CABCOCO1: variants seen among roughly 807,000 people sequenced by gnomAD.
CABCOCO1 encodes the protein ciliary-associated calcium-binding coiled-coil protein 1.
Under a neutral mutation model 35.7 loss-of-function variants are expected in CABCOCO1, and 28 were observed. The ratio of observed to expected loss-of-function variants is 0.78; its 90% CI spans 0.58 to 1.07. The LOEUF is 1.07. Ranked by LOEUF, CABCOCO1 falls within the 50% of genes least tolerant of loss-of-function variation. The probability of loss-of-function intolerance (pLI) is 0.00; values close to 1 mark genes in which losing one functional copy is unlikely to be tolerated. For missense variants in CABCOCO1, 326 were observed against 309.2 expected, an observed-to-expected ratio of 1.05 and a Z score of -0.41; for synonymous variants, 95 against 100.1, an observed-to-expected ratio of 0.95 and a Z score of 0.30.
At chr10:61,692,915 C>A (rs1463111138) in intron 5 of CABCOCO1, among the ~76,000 whole-genome samples, 1 of 152,030 alleles carries the variant, frequency 6.6e-6, no homozygotes, top group African/African-American at 2.4e-5. Flanking sequence ...TCTATTCAAG[C>A]AAAACTTTGG....
At chr10:61,680,602 G>GTTATA (rs1839717833) in intron 2 of CABCOCO1, among the ~76,000 whole-genome samples, 1 of 7,482 alleles carries the variant, frequency 1.3e-4, no homozygotes. Context: ...TGTTATACAT[G>GTTATA]TATAACATGT....
intron 5 of CABCOCO1, among the ~76,000 whole-genome samples, chr10:61,727,550 A>T (rs1469236517): frequency 6.6e-6 from 1 of 152,204 alleles, no homozygotes; most frequent in Non-Finnish European, 1.5e-5. Context: ...GTCTGTTTTC[A>T]TCCATAACTC....
intron 5 of CABCOCO1, among the ~76,000 whole-genome samples, chr10:61,751,570 G>C (rs1219065522): frequency 6.6e-6 from 1 of 152,030 alleles, no homozygotes; most frequent in South Asian, 2.1e-4. Context: ...AAAATAAATG[G>C]ACAAGCTTCA....
intron 5 of CABCOCO1, among the ~76,000 whole-genome samples, chr10:61,718,309 G>A (rs1384555221): frequency 1.3e-5 from 2 of 152,102 alleles, no homozygotes; most frequent in Non-Finnish European, 2.9e-5. Context: ...AATTTCCAAA[G>A]TCAGGGTCAG....
At chr10:61,717,841 C>A (rs577618276) in intron 5 of CABCOCO1, among the ~76,000 whole-genome samples, 5 of 152,016 alleles carry the variant, frequency 3.3e-5, no homozygotes, top group Non-Finnish European at 7.4e-5. Context: ...AAAGAATATT[C>A]CAGATTTGAG....
intron 5 of CABCOCO1, among the ~76,000 whole-genome samples, chr10:61,709,221 A>G (rs1342110319): frequency 6.6e-6 from 1 of 152,146 alleles, no homozygotes; most frequent in African/African-American, 2.4e-5. Context: ...AACAGTTTGG[A>G]CAGGTTCCTC....
chr10:61,753,062 T>A (rs1484901716), intron 5 of CABCOCO1, among the ~76,000 whole-genome samples: 4 of 152,200 alleles, frequency 2.6e-5, no homozygotes, highest in Non-Finnish European at 5.9e-5. Flanking sequence ...TATTATCTCA[T>A]ATGATTTCTG....
chr10:61,676,887 C>T (rs1839527216), intron 2 of CABCOCO1, among the ~76,000 whole-genome samples: 1 of 151,548 alleles, frequency 6.6e-6, no homozygotes, highest in African/African-American at 2.4e-5. Flanking sequence ...CGGTGAAACC[C>T]CATCTCTACT....
chr10:61,710,291 T>C (rs1426474418), intron 5 of CABCOCO1, among the ~76,000 whole-genome samples: 4 of 122,874 alleles, frequency 3.3e-5, no homozygotes, highest in Non-Finnish European at 7.3e-5. Context: ...TGTGTGTGTG[T>C]GTGTAGAGAT....
chr10:61,745,288 A>G (rs971082953), intron 5 of CABCOCO1, among the ~76,000 whole-genome samples: 3 of 152,146 alleles, frequency 2.0e-5, no homozygotes, highest in Admixed American at 2.0e-4. Flanking sequence ...AGCCAAGTTT[A>G]TTTTGACATG....
chr10:61,717,912 TA>T (rs1360681502), intron 5 of CABCOCO1, among the ~76,000 whole-genome samples: 1 of 152,194 alleles, frequency 6.6e-6, no homozygotes, highest in Non-Finnish European at 1.5e-5. Context: ...TGTAATATTT[TA>T]ACCCAATAGC....
At chr10:61,728,390 C>A (rs1475255118) in intron 5 of CABCOCO1, among the ~76,000 whole-genome samples, 1 of 152,112 alleles carries the variant, frequency 6.6e-6, no homozygotes, top group Non-Finnish European at 1.5e-5. Context: ...TTACAGTTGG[C>A]CTGTCAGTCT....
intron 5 of CABCOCO1, among the ~76,000 whole-genome samples, chr10:61,718,470 A>G (rs1037705934): frequency 5.3e-5 from 8 of 152,186 alleles, no homozygotes; most frequent in African/African-American, 1.9e-4. Context: ...AGTTTGTTTT[A>G]AAAAGGTATG....
chr10:61,734,141 T>A (rs889011405), intron 5 of CABCOCO1, among the ~76,000 whole-genome samples: 30 of 152,034 alleles, frequency 2.0e-4, no homozygotes, highest in African/African-American at 7.2e-4. Context: ...GGTTCATTTG[T>A]TTTTTCTCTC....
At chr10:61,735,828 A>T (rs1331052887) in intron 5 of CABCOCO1, among the ~76,000 whole-genome samples, 1 of 152,124 alleles carries the variant, frequency 6.6e-6, no homozygotes, top group East Asian at 1.9e-4. Context: ...GCAGTTCTGA[A>T]GTAATGTGGT....
At chr10:61,718,163 A>G (rs1336240479) in intron 5 of CABCOCO1, among the ~76,000 whole-genome samples, 1 of 152,160 alleles carries the variant, frequency 6.6e-6, no homozygotes, top group Non-Finnish European at 1.5e-5. Context: ...CGTAGTTGGA[A>G]TGAAATCTTC....
At position 61,732,446 on chromosome 10, in the gene CABCOCO1, A is replaced by G. The variant is rs1003505256; in HGVS notation, c.553-27613A>G. Among the ~76,000 whole-genome samples the G allele has an allele frequency of 4.6e-5, 7 of 150,724 alleles. No homozygotes were observed. The East Asian group carries it at 7.7e-4, about 17-fold the overall frequency. On this transcript the variant is annotated intron_variant, in intron 5 of 7. Transcript: ENST00000648843. ...TATTTTGTTTCAATTGTAAATTCCC[A>G]GAACATTAAATCTATCAATAGTTGA...
At chr10:61,748,136 A>G (rs992255290) in intron 5 of CABCOCO1, among the ~76,000 whole-genome samples, 2 of 150,800 alleles carry the variant, frequency 1.3e-5, no homozygotes, top group African/African-American at 4.9e-5. Flanking sequence ...TGTATTGGGG[A>G]GGTGAAGAGC....
chr10:61,697,498 A>G (rs1796614853), intron 5 of CABCOCO1, among the ~76,000 whole-genome samples: 1 of 152,116 alleles, frequency 6.6e-6, no homozygotes, highest in Admixed American at 6.6e-5. Context: ...GAAAATATGT[A>G]GACATGTATA....
Sources: gnomAD v4.1 joint callset for allele counts (sites outside exome capture counted in the v4.1 genomes callset) on GRCh38, gnomAD v4.1.1 for gene constraint, MANE v1.5 for transcripts, NCBI Gene and HGNC (gene_info 2026-07-23, HGNC 2026-07-21) for gene names.